The following TET2 variants were observed in gnomAD, a reference collection of about 807,000 sequenced individuals.
The protein encoded by TET2 is tet methylcytosine dioxygenase 2, also known as methylcytosine dioxygenase TET2.
TET2 carries 299 observed loss-of-function variants against 142.9 expected under a neutral mutation model. The observed-to-expected ratio is 2.09, with a 90% CI of 1.90 to 2.30. TET2 has a LOEUF of 2.30. Ranked by LOEUF, TET2 falls within the 30% of genes most tolerant of loss-of-function variation. The pLI, the probability that TET2 is intolerant of heterozygous loss-of-function variation, is 0.00. For missense variants in TET2, 2,418 were observed against 2,378.0 expected (o/e 1.02, Z -0.35); for synonymous variants, 819 against 849.0 (o/e 0.96, Z 0.61).
rs896114174 is a variant in TET2 at position 105,165,343 on chromosome 4, T to G, written c.-193+18364T>G. ...GTGAGCTGAGATCGTGCCATTGCAC[T>G]CCAGCCTGGGTGACAGAGGGAGACT... On this transcript the variant is annotated intron_variant, in intron 1 of 10. Transcript: ENST00000380013. 3.9e-5 allele frequency among the ~76,000 whole-genome samples: 6 copies of G among 152,082 alleles called. No homozygotes were observed. In the East Asian group the frequency reaches 1.2e-3, roughly 29 times the overall value.
intron 8 of TET2, among the ~76,000 whole-genome samples, chr4:105,262,742 G>A (rs952723826): frequency 2.0e-5 from 3 of 152,158 alleles, no homozygotes; most frequent in Middle Eastern, 6.8e-3. Flanking sequence ...TTAGCTGGGT[G>A]TGGTGGCAGG....
At chr4:105,146,679 G>C (rs948566504), upstream of TET2, 1 of 152,266 alleles carries the variant, frequency 6.6e-6, no homozygotes, top group African/African-American at 2.4e-5. Context: ...GAGAGCCGGC[G>C]GTAGCGGCAG....
chr4:105,244,574 C>G (rs900580416), intron 6 of TET2, among the ~76,000 whole-genome samples: 1 of 139,934 alleles, frequency 7.1e-6, no homozygotes, highest in Admixed American at 7.4e-5. Flanking sequence ...GTTCACGGTG[C>G]TACACAGAAA....
At chr4:105,212,873 C>T (rs1331990761) in intron 2 of TET2, among the ~76,000 whole-genome samples, 1 of 151,994 alleles carries the variant, frequency 6.6e-6, no homozygotes, top group African/African-American at 2.4e-5. Flanking sequence ...GCCTGTAGTC[C>T]CAGATACTTG....
At chr4:105,209,355 A>T (rs761482307) in intron 2 of TET2, among the ~76,000 whole-genome samples, 5 of 151,930 alleles carry the variant, frequency 3.3e-5, no homozygotes, top group Non-Finnish European at 5.9e-5. Context: ...TAGGGAGGAA[A>T]TCTGAAATTT....
chr4:105,174,141 CAG>C (rs1292407867), intron 1 of TET2, among the ~76,000 whole-genome samples: 1 of 152,016 alleles, frequency 6.6e-6, no homozygotes, highest in Non-Finnish European at 1.5e-5. Context: ...TTAGGGGTAT[CAG>C]AGAGAGTTAG....
intron 9 of TET2, 63 bp from the exon 10 acceptor site, chr4:105,272,501 A>C: frequency 8.9e-7 from 1 of 1,120,718 alleles, no homozygotes; most frequent in Non-Finnish European, 1.3e-6. Flanking sequence ...AAAGATACAC[A>C]CACACACACA....
Position 105,234,322 on chromosome 4 carries a change from T to G in TET2, c.380T>G (p.Val127Gly), listed in dbSNP as rs1472264925. 1 of 1,613,888 alleles carries G rather than the reference T, an allele frequency of 6.2e-7. No individual in the cohort carries two copies. Among genetic ancestry groups the G allele is most frequent in the Non-Finnish European group, 8.5e-7 (1 of 1,180,004 alleles). ...KANGERRNFG[V>G]SQERNPGESS... ...AATGGAGAAAGACGTAACTTCGGGGTAAGCCAAGAAAGAAATCCAGGTGAA... is the reference window on the plus strand; with the variant it reads ...AATGGAGAAAGACGTAACTTCGGGGGAAGCCAAGAAAGAAATCCAGGTGAA... The change falls in exon 3 of 11, where the codon GTA (valine) becomes GGA (glycine). Residue 127 changes from valine (V) to glycine (G), a missense_variant. Val to Gly is a moderately radical substitution (Grantham distance 109). Coordinates refer to ENST00000380013, the MANE Select transcript of TET2 (RefSeq NM_001127208.3).
chr4:105,179,597 C>G (rs1052718224), intron 1 of TET2, among the ~76,000 whole-genome samples: 1 of 152,162 alleles, frequency 6.6e-6, no homozygotes, highest in Non-Finnish European at 1.5e-5. Flanking sequence ...AAAATATCCT[C>G]TTCATTTGGG....
chr4:105,159,513 C>G (rs1321990734), intron 1 of TET2, among the ~76,000 whole-genome samples: 1 of 152,054 alleles, frequency 6.6e-6, no homozygotes, highest in African/African-American at 2.4e-5. Flanking sequence ...CTTCGGCCCC[C>G]CAAAGTGCTG....
chr4:105,148,980 A>G (rs1723170630), intron 1 of TET2, among the ~76,000 whole-genome samples: 1 of 152,314 alleles, frequency 6.6e-6, no homozygotes, highest in African/African-American at 2.4e-5. Context: ...CTTTCACATG[A>G]TTACAAGGGA....
In TET2 at chr4:105,278,212, A is replaced by T. The variant is rs1351432440; in HGVS notation, c.*1693A>T. 1 of 157,980 alleles carries T rather than the reference A, an allele frequency of 6.3e-6. No individual in the cohort carries two copies. The highest frequency in any genetic ancestry group is 1.3e-5 in the Non-Finnish European group (1 of 77,032). 9.8% of individuals were successfully genotyped at this position (157,980 alleles called of 1,614,324 possible). A position where few individuals can be genotyped will look rare whatever the true frequency, so the allele number is the denominator to read the frequency against. On this transcript the variant is annotated 3_prime_UTR_variant, in exon 11 of 11. Transcript: ENST00000380013. ...TATATATATATATATATGAGTTTGA[A>T]GCAGAATTCACATCATGATGGTGCT...
chr4:105,146,342 GCTT>G (rs1351832280), upstream of TET2: 1 of 152,646 alleles, frequency 6.6e-6, no homozygotes, highest in Non-Finnish European at 1.5e-5. Context: ...CGCTTGCTCT[GCTT>G]CTTCTCCCAG....
chr4:105,228,226 T>C (rs1046796676), intron 2 of TET2, among the ~76,000 whole-genome samples: 30 of 152,128 alleles, frequency 2.0e-4, no homozygotes, highest in Non-Finnish European at 5.9e-5. Context: ...GGCAGTTTAT[T>C]AGTTTAAATT....
intron 1 of TET2, among the ~76,000 whole-genome samples, chr4:105,156,587 C>T (rs1006516521): frequency 6.6e-6 from 1 of 152,138 alleles, no homozygotes; most frequent in Admixed American, 6.5e-5. Context: ...TTAATGAGAA[C>T]ATTCACCCAT....
chr4:105,149,006 T>C (rs909188207), intron 1 of TET2, among the ~76,000 whole-genome samples: 5 of 152,214 alleles, frequency 3.3e-5, no homozygotes, highest in African/African-American at 9.6e-5. Flanking sequence ...ATTACTCATC[T>C]CTGTGGAATA....
chr4:105,266,061 C>G (rs1730667194), intron 8 of TET2, among the ~76,000 whole-genome samples: 1 of 152,128 alleles, frequency 6.6e-6, no homozygotes, highest in Non-Finnish European at 1.5e-5. Flanking sequence ...CAGTCTTCAG[C>G]TGAGTATTAA....
intron 6 of TET2, among the ~76,000 whole-genome samples, chr4:105,258,404 T>A (rs774500287): frequency 1.4e-4 from 22 of 152,172 alleles, no homozygotes; most frequent in Non-Finnish European, 2.4e-4. Context: ...TTAATATAGT[T>A]TGTAAGAATG....
rs1459243966 is a variant in TET2, at chr4:105,243,761, G to A, written c.3786G>A (p.Arg1262=). Reference sequence around the variant, plus strand: ...AATACGGCACGCTCACCAATCGCCGGTGTGCCTTGAATGAAGAGTAAGTGA... The same window carrying A: ...AATACGGCACGCTCACCAATCGCCGATGTGCCTTGAATGAAGAGTAAGTGA... ...LRKYGTLTNR[R]CALNEERTCA... is the part of the protein sequence containing the mutation. Residue 1262 remains arginine, a synonymous_variant, in exon 6 of 11, where the codon CGG becomes CGA. Coordinates refer to ENST00000380013, the MANE Select transcript of TET2 (RefSeq NM_001127208.3). The A allele has an allele frequency of 6.4e-7, 1 of 1,551,436 alleles. No homozygotes were observed.
Sources: allele counts gnomAD v4.1 joint callset (sites outside exome capture counted in the v4.1 genomes callset), GRCh38; gene constraint gnomAD v4.1.1; transcripts MANE v1.5; gene names NCBI Gene and HGNC (gene_info 2026-07-23, HGNC 2026-07-21).